The following DCLK1 variants were observed in gnomAD, a reference collection of about 807,000 sequenced individuals.
DCLK1 encodes the protein doublecortin like kinase 1.
In DCLK1, 16 loss-of-function variants were observed where a neutral mutation model predicts 86.2. That is an observed-to-expected ratio of 0.19 (90% CI 0.13 to 0.28). The LOEUF is 0.28. Among genes scored for constraint, DCLK1 ranks in the 10% least tolerant of loss-of-function variants. The probability of loss-of-function intolerance (pLI) is 1.00; values close to 1 mark genes in which losing one functional copy is unlikely to be tolerated. For synonymous variants in DCLK1, 369 were observed against 370.5 expected, an observed-to-expected ratio of 1.00 and a Z score of 0.05; for missense variants, 590 against 940.2, an observed-to-expected ratio of 0.63 and a Z score of 4.87.
intron 3 of DCLK1, among the ~76,000 whole-genome samples, chr13:36,099,854 A>G (rs1885140795): frequency 6.6e-6 from 1 of 152,128 alleles, no homozygotes. Context: ...AATACATGAG[A>G]TTAGATTTTC....
chr13:35,992,845 G>C (rs979207184), intron 3 of DCLK1, among the ~76,000 whole-genome samples: 7 of 151,986 alleles, frequency 4.6e-5, no homozygotes, highest in African/African-American at 1.7e-4. Flanking sequence ...GTGTGACCTG[G>C]TCATTCATTC....
intron 16 of DCLK1, chr13:35,788,409 T>C (rs1354188029): frequency 1.3e-5 from 11 of 836,764 alleles, no homozygotes; most frequent in Non-Finnish European, 1.9e-5. Context: ...TTCTGCAGGG[T>C]AACTAGCTAA....
At chr13:35,825,030 T>A (rs552494941) in intron 10 of DCLK1, among the ~76,000 whole-genome samples, 1 of 152,136 alleles carries the variant, frequency 6.6e-6, no homozygotes, top group Non-Finnish European at 1.5e-5. Flanking sequence ...TCTGAACACA[T>A]AGGCAGCCTG....
intron 3 of DCLK1, among the ~76,000 whole-genome samples, chr13:35,994,926 G>A (rs12427895): frequency 0.36 from 54,849 of 152,114 alleles, 11,019 homozygotes; most frequent in Non-Finnish European, 0.44. Context: ...CACAGATGAC[G>A]GCAATAAGAA....
At chr13:35,829,376 G>A (rs943533261) in intron 8 of DCLK1, among the ~76,000 whole-genome samples, 5 of 152,284 alleles carry the variant, frequency 3.3e-5, no homozygotes, top group South Asian at 2.1e-4. Context: ...GTGTGAAATC[G>A]GGAGAGCCTA....
chr13:35,867,748 T>A (rs1160542784), intron 5 of DCLK1, among the ~76,000 whole-genome samples: 1 of 151,956 alleles, frequency 6.6e-6, no homozygotes, highest in Non-Finnish European at 1.5e-5. Context: ...AATTATTGCC[T>A]ATATGCATAA....
Position 36,011,830 on chromosome 13 carries a change from T to C in DCLK1, c.724-64373A>G, listed in dbSNP as rs997969917. On this transcript the variant is annotated intron_variant, in intron 3 of 16. Transcript: ENST00000360631. ...CTGTCTAATGTTGACAGTGGGGTGTTAAAGTCTCCCATTATTAATGTGTAG... is the reference window on the plus strand; with the variant it reads ...CTGTCTAATGTTGACAGTGGGGTGTCAAAGTCTCCCATTATTAATGTGTAG... Among the ~76,000 whole-genome samples the C allele has an allele frequency of 4.7e-5, 7 of 149,636 alleles. 1 individual carries two copies. Among genetic ancestry groups the C allele is most frequent in the Non-Finnish European group, 7.4e-5 (5 of 67,784 alleles).
At chr13:35,865,654 C>T (rs1871738620) in intron 5 of DCLK1, among the ~76,000 whole-genome samples, 1 of 152,168 alleles carries the variant, frequency 6.6e-6, no homozygotes, top group African/African-American at 2.4e-5. Context: ...TCATTAGTGC[C>T]TAGCAAATGC....
intron 8 of DCLK1, among the ~76,000 whole-genome samples, chr13:35,830,387 T>C (rs756473045): frequency 6.6e-6 from 1 of 152,100 alleles, no homozygotes; most frequent in Non-Finnish European, 1.5e-5. Context: ...AAATTTAAAA[T>C]GTAAGAGCAA....
chr13:35,971,455 C>A (rs1037640746), intron 3 of DCLK1, among the ~76,000 whole-genome samples: 1 of 152,102 alleles, frequency 6.6e-6, no homozygotes, highest in Non-Finnish European at 1.5e-5. Flanking sequence ...CAGGAAGATG[C>A]GTGCTTTCAT....
chr13:35,899,845 A>G (rs1440518679), intron 4 of DCLK1, among the ~76,000 whole-genome samples: 1 of 152,228 alleles, frequency 6.6e-6, no homozygotes, highest in African/African-American at 2.4e-5. Context: ...AAAGAACGCT[A>G]TTGGTAAAAG....
intron 10 of DCLK1, among the ~76,000 whole-genome samples, chr13:35,826,753 A>C (rs1265268855): frequency 6.6e-6 from 1 of 152,170 alleles, no homozygotes; most frequent in Non-Finnish European, 1.5e-5. Flanking sequence ...TTGAATTTTT[A>C]AAAGAGAAAA....
intron 11 of DCLK1, among the ~76,000 whole-genome samples, chr13:35,816,148 T>C (rs1210375077): frequency 6.6e-6 from 1 of 152,210 alleles, no homozygotes; most frequent in East Asian, 1.9e-4. Context: ...TTGCCAAAAC[T>C]GTGGGAACTC....
chr13:35,955,790 C>G (rs1943957156), intron 3 of DCLK1, among the ~76,000 whole-genome samples: 1 of 152,120 alleles, frequency 6.6e-6, no homozygotes, highest in Admixed American at 6.5e-5. Context: ...CAGTTCCATG[C>G]CTGGCTTACA....
At chr13:35,791,547 T>C (rs912642826) in intron 16 of DCLK1, among the ~76,000 whole-genome samples, 1 of 152,158 alleles carries the variant, frequency 6.6e-6, no homozygotes, top group African/African-American at 2.4e-5. Context: ...TTTTAATGAA[T>C]TCATATGGAT....
intron 2 of DCLK1, among the ~76,000 whole-genome samples, chr13:36,121,189 C>T (rs976713339): frequency 6.6e-6 from 1 of 152,124 alleles, no homozygotes; most frequent in Non-Finnish European, 1.5e-5. Flanking sequence ...AGTAAAAGAA[C>T]ACAGTAGTTT....
At chr13:35,795,696 G>C (rs1447719065) in intron 15 of DCLK1, among the ~76,000 whole-genome samples, 1 of 152,112 alleles carries the variant, frequency 6.6e-6, no homozygotes, top group Non-Finnish European at 1.5e-5. Context: ...CGAGGCAGGT[G>C]GATCACCTGA....
intron 2 of DCLK1, among the ~76,000 whole-genome samples, chr13:36,118,721 T>A (rs1885879419): frequency 6.6e-6 from 1 of 152,178 alleles, no homozygotes; most frequent in African/African-American, 2.4e-5. Flanking sequence ...TGTTAAGTTA[T>A]GTGATGTCTT....
chr13:35,997,419 A>AT (rs1476354896), intron 3 of DCLK1, among the ~76,000 whole-genome samples: 3 of 152,136 alleles, frequency 2.0e-5, no homozygotes, highest in Non-Finnish European at 4.4e-5. Flanking sequence ...GGCAAAGAAC[A>AT]TTTTCCCTCT....
Sources: allele counts gnomAD v4.1 joint callset (sites outside exome capture counted in the v4.1 genomes callset), GRCh38; gene constraint gnomAD v4.1.1; transcripts MANE v1.5; gene names NCBI Gene and HGNC (gene_info 2026-07-23, HGNC 2026-07-21).